CACUL1: variants seen among roughly 807,000 people sequenced by gnomAD.
CACUL1 encodes the protein CDK2 associated cullin domain 1.
In CACUL1, 13 loss-of-function variants were observed where a neutral mutation model predicts 45.2. The ratio of observed to expected loss-of-function variants is 0.29; its 90% CI spans 0.19 to 0.46. The LOEUF is 0.46. Ranked by LOEUF, CACUL1 falls within the 20% of genes least tolerant of loss-of-function variation. The probability of loss-of-function intolerance (pLI) is 1.00; values close to 1 mark genes in which losing one functional copy is unlikely to be tolerated. For missense variants in CACUL1, 421 were observed against 471.4 expected, an observed-to-expected ratio of 0.89 and a Z score of 0.99; for synonymous variants, 197 against 174.2, an observed-to-expected ratio of 1.13 and a Z score of -1.03.
intron 3 of CACUL1, among the ~76,000 whole-genome samples, chr10:118,713,250 T>G (rs1845509389): frequency 6.6e-6 from 1 of 152,200 alleles, no homozygotes; most frequent in Non-Finnish European, 1.5e-5. Context: ...TGCCGACAAC[T>G]TGGAGAAGCC....
intron 7 of CACUL1, among the ~76,000 whole-genome samples, chr10:118,687,399 T>G (rs1022078716): frequency 6.6e-6 from 1 of 152,194 alleles, no homozygotes; most frequent in Non-Finnish European, 1.5e-5. Context: ...TCCCCATTCC[T>G]TCTTCAATCT....
At position 118,693,183 on chromosome 10, in the gene CACUL1, A is replaced by G. The variant is rs544029825; in HGVS notation, c.887-1780T>C. On this transcript the variant is annotated intron_variant, in intron 6 of 8. Transcript: ENST00000369151. ...TACAGCCCAGGAATCTAGAGTTTAA[A>G]AAGCCTTCTTAAGTGACTCAGATGC... 7.0e-4 allele frequency: 107 copies of G among 152,430 alleles called. 2 individuals are homozygous for G. The highest frequency in any genetic ancestry group is 2.4e-3 in the African/African-American group (101 of 41,580). The allele number at this position is 152,430 out of a possible 1,614,324, so 9.4% of individuals were successfully genotyped here.
At chr10:118,747,306 C>G (rs1416447821) in intron 1 of CACUL1, among the ~76,000 whole-genome samples, 1 of 152,132 alleles carries the variant, frequency 6.6e-6, no homozygotes, top group Non-Finnish European at 1.5e-5. Flanking sequence ...TCATATACAG[C>G]TGATGGGAGT....
chr10:118,682,625 T>A lies in CACUL1; in HGVS notation c.*3503A>T, dbSNP rs116961384. ...AGTTATCCTTTTGTGCTGAAAAACG[T>A]TCAAATCCCTTGTTTGGTCAGTACA... On this transcript the variant is annotated 3_prime_UTR_variant, in exon 9 of 9. Transcript: ENST00000369151. The A allele has an allele frequency of 1.1e-3, 174 of 152,748 alleles. 1 individual carries two copies. The highest frequency in any genetic ancestry group is 1.5e-3 in the Non-Finnish European group (105 of 68,034). The allele number at this position is 152,748 out of a possible 1,614,324, so 9.5% of individuals were successfully genotyped here.
intron 5 of CACUL1, among the ~76,000 whole-genome samples, chr10:118,700,868 T>C (rs73423932): frequency 2.0e-5 from 3 of 152,030 alleles, no homozygotes; most frequent in Non-Finnish European, 4.4e-5. Context: ...TTGCCTAAAA[T>C]AGAGAATAAA....
intron 4 of CACUL1, among the ~76,000 whole-genome samples, chr10:118,701,862 T>C (rs533738968): frequency 2.8e-4 from 42 of 152,280 alleles, no homozygotes; most frequent in African/African-American, 1.0e-3. Flanking sequence ...TGGCATTCCC[T>C]GGGGACCACC....
chr10:118,709,446 A>T (rs1175012903), intron 3 of CACUL1, among the ~76,000 whole-genome samples: 1 of 152,228 alleles, frequency 6.6e-6, no homozygotes, highest in Non-Finnish European at 1.5e-5. Flanking sequence ...ATGGCCAGTA[A>T]TTTGTCTAAG....
chr10:118,745,713 A>T (rs892917798), intron 1 of CACUL1, among the ~76,000 whole-genome samples: 5 of 152,232 alleles, frequency 3.3e-5, no homozygotes, highest in East Asian at 1.9e-4. Flanking sequence ...ACTGGATTTT[A>T]AAAAAGATCC....
At chr10:118,737,112 A>G (rs1471616495) in intron 1 of CACUL1, among the ~76,000 whole-genome samples, 6 of 150,576 alleles carry the variant, frequency 4.0e-5, no homozygotes, top group Admixed American at 2.7e-4. Flanking sequence ...GTACTTTAAC[A>G]TATCTGTTCC....
intron 7 of CACUL1, 53 bp downstream of exon 7, chr10:118,691,212 T>C: frequency 2.0e-6 from 3 of 1,516,602 alleles, no homozygotes; most frequent in Non-Finnish European, 2.7e-6. Context: ...CAAGCCAGAC[T>C]GGCCTAGGGA....
chr10:118,749,140 A>T (rs1033596984), intron 1 of CACUL1, among the ~76,000 whole-genome samples: 1 of 152,236 alleles, frequency 6.6e-6, no homozygotes, highest in Non-Finnish European at 1.5e-5. Flanking sequence ...ATTACTGAAA[A>T]AAATGCTGTG....
intron 3 of CACUL1, among the ~76,000 whole-genome samples, chr10:118,716,056 C>A (rs1473452432): frequency 6.6e-6 from 1 of 152,038 alleles, no homozygotes; most frequent in African/African-American, 2.4e-5. Flanking sequence ...CACGGTGAAA[C>A]CCCGTCTCTA....
intron 3 of CACUL1, among the ~76,000 whole-genome samples, chr10:118,722,142 G>A (rs1353717583): frequency 6.0e-5 from 9 of 150,954 alleles, no homozygotes; most frequent in Admixed American, 1.3e-4. Flanking sequence ...AGAGTGCAAT[G>A]GTGCGATCTC....
chr10:118,689,344 C>A (rs902659483), intron 7 of CACUL1, among the ~76,000 whole-genome samples: 2 of 152,166 alleles, frequency 1.3e-5, no homozygotes, highest in African/African-American at 2.4e-5. Flanking sequence ...TTACTCTGTG[C>A]AAAGCACCTG....
intron 3 of CACUL1, among the ~76,000 whole-genome samples, chr10:118,722,399 A>G (rs575167377): frequency 1.3e-5 from 2 of 151,992 alleles, no homozygotes; most frequent in African/African-American, 4.8e-5. Context: ...ACAATTCTTA[A>G]ATTTTAAACT....
Position 118,754,962 on chromosome 10 carries a change from C to A in CACUL1, c.-200G>T. 1 of 616,412 alleles carries A rather than the reference C, an allele frequency of 1.6e-6. No homozygotes were observed. The highest frequency in any genetic ancestry group is 2.6e-6 in the Non-Finnish European group (1 of 387,686). 38.2% of individuals were successfully genotyped at this position (616,412 alleles called of 1,614,324 possible). A position where few individuals can be genotyped will look rare whatever the true frequency, so the allele number is the denominator to read the frequency against. ...ACGCGGCTGACGGCGGTGGGCGCTC[C>A]GGGGCTCTAGTCTGGGAGAGGCAGC... is the stretch of plus-strand genomic sequence containing the variant. On this transcript the variant is annotated 5_prime_UTR_variant, in exon 1 of 9. Coordinates refer to ENST00000369151, the MANE Select transcript of CACUL1 (RefSeq NM_153810.5).
chr10:118,681,522 TTTA>T lies in CACUL1; in HGVS notation c.*4603_*4605del, dbSNP rs1845152972. On this transcript the variant is annotated 3_prime_UTR_variant, in exon 9 of 9. Transcript: ENST00000369151. ...ATGACGTGAGAATCAATACAAAATA[TTTA>T]TTTTTTTTCAAACCACAGAATTCTT... 6.6e-6 allele frequency: 1 copy of T among 152,204 alleles called. No homozygotes were observed. Among genetic ancestry groups the T allele is most frequent in the African/African-American group, 2.4e-5 (1 of 41,550 alleles). The allele number at this position is 152,204 out of a possible 1,614,324, so 9.4% of individuals were successfully genotyped here.
In CACUL1 at chr10:118,717,122, A is replaced by G. The variant is rs374663633; in HGVS notation, c.598-9535T>C. Among the ~76,000 whole-genome samples the G allele has an allele frequency of 2.2e-4, 33 of 152,334 alleles. No homozygotes were observed. The South Asian group carries it at 5.8e-3, about 27-fold the overall frequency. The stretch of plus-strand genomic sequence containing the variant: ...GTATTTTTAGTGAGAACTTCAGGGA[A>G]GTCTGTAAACAGCTGGCCCACCTGT... On this transcript the variant is annotated intron_variant, in intron 3 of 8. Coordinates refer to ENST00000369151, the MANE Select transcript of CACUL1 (RefSeq NM_153810.5).
At chr10:118,700,788 G>GGCAC (rs142019606) in intron 5 of CACUL1, among the ~76,000 whole-genome samples, 52 of 151,510 alleles carry the variant, frequency 3.4e-4, no homozygotes, top group African/African-American at 1.2e-3. Flanking sequence ...AATCTACACA[G>GGCAC]GCACATGAAA....
Sources: allele counts gnomAD v4.1 joint callset (sites outside exome capture counted in the v4.1 genomes callset), GRCh38; gene constraint gnomAD v4.1.1; transcripts MANE v1.5; gene names NCBI Gene and HGNC (gene_info 2026-07-23, HGNC 2026-07-21).